Variants in OTOG observed in about 807,000 individuals in gnomAD.
OTOG encodes otogelin.
A neutral mutation model predicts 313.8 loss-of-function variants in OTOG; 296 were observed. That is an observed-to-expected ratio of 0.94 (90% confidence interval 0.86 to 1.04). OTOG has a LOEUF of 1.04. Among genes scored for constraint, OTOG ranks in the 50% least tolerant of loss-of-function variants. The pLI is 0.00. For synonymous variants in OTOG, 1,533 were observed against 1,554.9 expected, an observed-to-expected ratio of 0.99 and a Z score of 0.33; for missense variants, 3,948 against 3,840.1, an observed-to-expected ratio of 1.03 and a Z score of -0.74.
rs1445270882 is a variant in OTOG, at chr11:17,610,072, T to G, written c.4772T>G (p.Val1591Gly). Reference protein sequence around the residue: ...MVSGAMETTRVTVIFAGSPNI... With the variant: ...MVSGAMETTRGTVIFAGSPNI... ...TCAGGTGCCATGGAGACAACAAGGG[T>G]GACTGTGATCTTTGCAGGAAGCCCT... The change falls in exon 36 of 56, where the codon GTG becomes GGG. Residue 1591 changes from valine to glycine, a missense_variant. Val to Gly is a moderately radical substitution (Grantham distance 109, BLOSUM62 -3). Coordinates refer to ENST00000399397, the MANE Select transcript of OTOG (RefSeq NM_001292063.2). 4.5e-6 allele frequency: 7 copies of G among 1,550,364 alleles called. No individual in the cohort carries two copies. The highest frequency in any genetic ancestry group is 6.1e-6 in the Non-Finnish European group (7 of 1,146,906).
intron 3 of OTOG, among the ~76,000 whole-genome samples, chr11:17,548,573 C>T (rs60055533): frequency 0.019 from 2,814 of 151,754 alleles, 98 homozygotes; most frequent in African/African-American, 0.064. Context: ...GACTGGCCTG[C>T]GAAGGCCCTC....
chr11:17,593,079 C>A, intron 25 of OTOG, 114 bp from the exon 26 acceptor site: 2 of 1,107,200 alleles, frequency 1.8e-6, no homozygotes, highest in Non-Finnish European at 2.5e-6. Flanking sequence ...TCAGCTAACA[C>A]AAAGTAGAAG....
chr11:17,611,528 C>T, intron 36 of OTOG, 105 bp downstream of exon 36: 3 of 1,184,748 alleles, frequency 2.5e-6, no homozygotes, highest in Non-Finnish European at 3.5e-6. Flanking sequence ...ATACCTGCCC[C>T]ATGCTCCTGG....
intron 3 of OTOG, among the ~76,000 whole-genome samples, chr11:17,550,476 A>G (rs1208013492): frequency 6.6e-6 from 1 of 152,250 alleles, no homozygotes; most frequent in African/African-American, 2.4e-5. Context: ...AAAATGATTA[A>G]GAGCGCCTGA....
At chr11:17,643,530 A>AG in intron 54 of OTOG, 24 bp downstream of exon 54, 1 of 597,434 alleles carries the variant, frequency 1.7e-6, no homozygotes, top group Non-Finnish European at 2.4e-6. Flanking sequence ...GTGGGGGCCC[A>AG]GGGGTGGGGG....
chr11:17,555,853 G>A lies in OTOG; in HGVS notation c.615G>A (p.Glu205=), dbSNP rs1320887360. ...SRAVSLFFVG[E]QEIHLAKEVT... ...CTGTCAGCCTCTTCTTTGTGGGTGA[G>A]CAGGAGATCCATCTGGCCAAGGAGG... Residue 205 remains glutamate, a synonymous_variant, in exon 7 of 56, where the codon GAG becomes GAA. Transcript: ENST00000399397. 1 of 1,550,904 alleles carries A rather than the reference G, an allele frequency of 6.4e-7. No homozygotes were observed. The highest frequency in any genetic ancestry group is 2.0e-5 in the Admixed American group (1 of 50,996).
rs1449595776 is a variant in OTOG, at chr11:17,611,314, A to T, written c.6014A>T (p.Glu2005Val). 1 of 1,550,518 alleles carries T rather than the reference A, an allele frequency of 6.4e-7. No homozygotes were observed. Among genetic ancestry groups the T allele is most frequent in the Admixed American group, 2.0e-5 (1 of 51,008 alleles). Residue 2005 changes from glutamate (E) to valine (V), a missense_variant, in exon 36 of 56, where the codon GAG becomes GTG. Glu to Val is a moderately radical substitution (Grantham distance 121). Transcript: ENST00000399397. ...GPHLAAEPVD[E>V]ATTEPSGRSA... ...CACCTGGCAGCAGAGCCGGTGGACG[A>T]GGCCACCACAGAACCATCTGGGCGC... is the stretch of plus-strand genomic sequence containing the variant.
At chr11:17,602,783 G>A (rs1853286671) in intron 32 of OTOG, among the ~76,000 whole-genome samples, 1 of 150,948 alleles carries the variant, frequency 6.6e-6, no homozygotes, top group Non-Finnish European at 1.5e-5. Flanking sequence ...CCCTTTCACT[G>A]AGCCCTAATC....
At position 17,558,540 on chromosome 11, in the gene OTOG, C is replaced by T. The variant is rs747646764; in HGVS notation, c.999C>T (p.Gly333=). ...TGGCTCCTGGTCCCTTGCTCTAGGG[C>T]GTGTACGAGCAGTGTGAGGCTCTAC... ...CLQQNPGTMQ[G]VYEQCEALLR... Residue 333 remains glycine (G), a splice_region_variant and synonymous_variant, in exon 10 of 56, where the codon GGC becomes GGT. Coordinates refer to ENST00000399397, the MANE Select transcript of OTOG (RefSeq NM_001292063.2). 97 of 1,550,456 alleles carry T rather than the reference C, an allele frequency of 6.3e-5. 1 individual carries two copies. The Middle Eastern group carries it at 1.2e-3, about 19-fold the overall frequency.
Position 17,610,421 on chromosome 11 carries a change from T to G in OTOG, c.5121T>G (p.Val1707=), listed in dbSNP as rs563661860. The change falls in exon 36 of 56, where the codon GTT becomes GTG. Residue 1707 remains valine (V), a synonymous_variant. Transcript: ENST00000399397. ...LTVAGTAAEQ[V]PVSPLATRSL... ...TGGCTGGAACAGCAGCAGAACAGGTTCCTGTCAGTCCCCTTGCAACCAGGA... is the reference window on the plus strand; with the variant it reads ...TGGCTGGAACAGCAGCAGAACAGGTGCCTGTCAGTCCCCTTGCAACCAGGA... 588 of 1,550,504 alleles carry G rather than the reference T, an allele frequency of 3.8e-4. 3 individuals carry two copies. The highest frequency in any genetic ancestry group is 9.4e-5 in the Non-Finnish European group (108 of 1,146,934).
At chr11:17,573,375 G>GAGGGCATCCCAGTGGA in intron 19 of OTOG, 85 bp downstream of exon 19, 2 of 1,368,460 alleles carry the variant, frequency 1.5e-6, no homozygotes, top group Non-Finnish European at 1.9e-6. Context: ...GTCTCCACTG[G>GAGGGCATCCCAGTGGA]GATGCCCTCC....
At chr11:17,618,388 T>C (rs1853776949) in intron 39 of OTOG, among the ~76,000 whole-genome samples, 1 of 152,252 alleles carries the variant, frequency 6.6e-6, no homozygotes, top group African/African-American at 2.4e-5. Context: ...TTTTATGATT[T>C]TCCAGATGCC....
At chr11:17,633,994 C>T in intron 43 of OTOG, 75 bp from the exon 44 acceptor site, 2 of 1,493,078 alleles carry the variant, frequency 1.3e-6, no homozygotes, top group Non-Finnish European at 8.9e-7. Context: ...GGCCAGTAAA[C>T]CAGGGAGAGT....
chr11:17,585,384 T>C (rs1852768759), intron 23 of OTOG, among the ~76,000 whole-genome samples: 1 of 152,182 alleles, frequency 6.6e-6, no homozygotes. Context: ...GTAATTTGAG[T>C]ATTCCTGTCC....
chr11:17,644,016 C>T (rs756994513), intron 54 of OTOG, among the ~76,000 whole-genome samples: 2 of 152,226 alleles, frequency 1.3e-5, no homozygotes, highest in Non-Finnish European at 1.5e-5. Context: ...GGCAGGCAGC[C>T]GCATTGCTAT....
chr11:17,608,220 G>A lies in OTOG; in HGVS notation c.4157-76G>A, dbSNP rs1853436269. 6 of 985,786 alleles carry A rather than the reference G, an allele frequency of 6.1e-6. No homozygotes were observed. The East Asian group carries it at 9.1e-5, about 15-fold the overall frequency. 61.1% of individuals were successfully genotyped at this position (985,786 alleles called of 1,614,324 possible). ...GTCCATTTGTCCCCTCCACAGGATG[G>A]GGGGCAGGGCTGAGCTCTGGGACTC... is the stretch of plus-strand genomic sequence containing the variant. On this transcript the variant is annotated intron_variant, in intron 33 of 55. Transcript: ENST00000399397.
In OTOG at chr11:17,566,533, G is replaced by T. The variant is rs568969145; in HGVS notation, c.1645-2623G>T. Among the ~76,000 whole-genome samples the T allele has an allele frequency of 3.2e-4, 49 of 152,220 alleles. 1 individual carries two copies. The highest frequency in any genetic ancestry group is 1.0e-3 in the African/African-American group (43 of 41,542). On this transcript the variant is annotated intron_variant, in intron 15 of 55. Transcript: ENST00000399397. ...ATCTGTATCTACATGTGCTAAACAT[G>T]ACTTCATACTGATGGTCCAATTCTA...
At chr11:17,644,348 A>G (rs1049127100) in intron 54 of OTOG, among the ~76,000 whole-genome samples, 1 of 152,280 alleles carries the variant, frequency 6.6e-6, no homozygotes, top group Admixed American at 6.5e-5. Context: ...AGCTATGGCC[A>G]GAAGCCATCT....
chr11:17,573,398 C>T (rs1852449594), intron 19 of OTOG, 108 bp downstream of exon 19: 2 of 1,178,912 alleles, frequency 1.7e-6, no homozygotes, highest in African/African-American at 1.5e-5. Context: ...TCTCCTCCAG[C>T]CTGACTGCAC....
Sources: allele counts gnomAD v4.1 joint callset (sites outside exome capture counted in the v4.1 genomes callset), GRCh38; gene constraint gnomAD v4.1.1; transcripts MANE v1.5; gene names NCBI Gene and HGNC (gene_info 2026-07-23, HGNC 2026-07-21).